Variants in FDFT1 observed in about 807,000 individuals in gnomAD.
FDFT1 encodes the protein farnesyl-diphosphate farnesyltransferase 1.
In FDFT1, 68 loss-of-function variants were observed where a neutral mutation model predicts 46.8. That is an observed-to-expected ratio of 1.45 (90% CI 1.19 to 1.78). The LOEUF (loss-of-function observed/expected upper bound fraction) is 1.78, where lower values mean the gene tolerates loss of function less well. Ranked by LOEUF, FDFT1 falls within the 40% of genes most tolerant of loss-of-function variation. The probability of loss-of-function intolerance (pLI) is 0.00; values close to 1 mark genes in which losing one functional copy is unlikely to be tolerated. For synonymous variants in FDFT1, 351 were observed against 185.1 expected (o/e 1.90, Z -7.28); for missense variants, 928 against 524.4 (o/e 1.77, Z -7.52).
At chr8:11,834,129 C>T (rs995812616) in intron 7 of FDFT1, among the ~76,000 whole-genome samples, 3 of 152,194 alleles carry the variant, frequency 2.0e-5, no homozygotes, top group Non-Finnish European at 4.4e-5. Flanking sequence ...TGACTCTGTC[C>T]GATCTCTGGA....
intron 2 of FDFT1, 190 bp downstream of exon 2, chr8:11,809,081 C>T (rs1020243632): frequency 7.9e-7 from 1 of 1,270,010 alleles, no homozygotes. Context: ...TAGTAGAGTC[C>T]CTGCGGGCCC....
intron 3 of FDFT1, among the ~76,000 whole-genome samples, chr8:11,817,739 T>A (rs7002768): frequency 0.52 from 78,694 of 151,786 alleles, 22,443 homozygotes; most frequent in East Asian, 0.79. Flanking sequence ...TATTACGTCT[T>A]TTTGATTCTT....
upstream of FDFT1, chr8:11,802,604 C>G: frequency 3.3e-6 from 2 of 600,006 alleles, no homozygotes; most frequent in Non-Finnish European, 6.1e-6. Flanking sequence ...TGTGAGCGGC[C>G]CTGGCCAATC....
At chr8:11,802,728 C>T (rs189623731), upstream of FDFT1, 75 of 867,224 alleles carry the variant, frequency 8.6e-5, no homozygotes, top group African/African-American at 1.0e-3. Context: ...GCCCCCTGTC[C>T]GGCCAGCCCC....
At chr8:11,818,997 T>C (rs920301089) in intron 3 of FDFT1, among the ~76,000 whole-genome samples, 2 of 152,246 alleles carry the variant, frequency 1.3e-5, no homozygotes, top group African/African-American at 4.8e-5. Flanking sequence ...GTACCAGTTG[T>C]TCCTTTCCAT....
chr8:11,825,884 A>T, intron 4 of FDFT1, 140 bp from the exon 5 acceptor site: 1 of 464,172 alleles, frequency 2.2e-6, no homozygotes, highest in African/African-American at 2.0e-5. Flanking sequence ...AAATCCTGGT[A>T]TGTATATTTG....
Position 11,802,786 on chromosome 8 carries a change from A to G in FDFT1, c.-47A>G, listed in dbSNP as rs1294774382. 1.4e-6 allele frequency: 2 copies of G among 1,465,500 alleles called. No homozygotes were observed. Among genetic ancestry groups the G allele is most frequent in the African/African-American group, 2.8e-5 (2 of 71,712 alleles). 90.8% of individuals were successfully genotyped at this position (1,465,500 alleles called of 1,614,324 possible). On this transcript the variant is annotated 5_prime_UTR_variant, in exon 1 of 8. Coordinates refer to ENST00000220584, the MANE Select transcript of FDFT1 (RefSeq NM_004462.5). ...CCAGCCGGCCGGTGAGCGCCTGGGGACCGCAGAGGTGAGAGTCGCGCCCGG... is the reference window on the plus strand; with the variant it reads ...CCAGCCGGCCGGTGAGCGCCTGGGGGCCGCAGAGGTGAGAGTCGCGCCCGG...
chr8:11,802,271 C>A (rs1806202238), upstream of FDFT1: 2 of 382,484 alleles, frequency 5.2e-6, no homozygotes, highest in South Asian at 3.8e-5. Flanking sequence ...CTACAGAGAG[C>A]GGCTGCAGAG....
intron 5 of FDFT1, among the ~76,000 whole-genome samples, chr8:11,827,393 C>G (rs1028616422): frequency 2.0e-5 from 3 of 151,864 alleles, no homozygotes; most frequent in African/African-American, 2.4e-5. Context: ...TGGCATGCAC[C>G]TGTATTCCTA....
intron 7 of FDFT1, among the ~76,000 whole-genome samples, chr8:11,835,391 C>G (rs1290041847): frequency 6.6e-6 from 1 of 152,206 alleles, no homozygotes; most frequent in Admixed American, 6.5e-5. Flanking sequence ...GTGACTGCAG[C>G]TCTTCCAGTT....
Position 11,830,386 on chromosome 8 carries a change from A to C in FDFT1, c.845A>C (p.Asn282Thr), listed in dbSNP as rs1433078077. The change falls in exon 6 of 8, where the codon AAC (asparagine) becomes ACC (threonine). Residue 282 changes from asparagine to threonine, a missense_variant. Physicochemically the swap from Asn to Thr is moderately conservative, Grantham distance 65. Transcript: ENST00000220584. ...ATCACCTACCTTTCGAGACTCAGAA[A>C]CCAGAGTGTGTTTAACTTCTGTGCT... is the stretch of plus-strand genomic sequence containing the variant. ...DVITYLSRLR[N>T]QSVFNFCAIP... 1 of 1,613,790 alleles carries C rather than the reference A, an allele frequency of 6.2e-7. No homozygotes were observed. The highest frequency in any genetic ancestry group is 8.5e-7 in the Non-Finnish European group (1 of 1,179,820).
intron 7 of FDFT1, among the ~76,000 whole-genome samples, chr8:11,834,140 C>T (rs1811227522): frequency 6.6e-6 from 1 of 152,208 alleles, no homozygotes; most frequent in African/African-American, 2.4e-5. Context: ...GATCTCTGGA[C>T]TTAGTGTTGT....
Position 11,821,857 on chromosome 8 carries a change from C to T in FDFT1, c.489C>T (p.Thr163=), listed in dbSNP as rs146968242. The part of the protein sequence containing the change: ...GMAEFLDKHV[T]SEQEWDKYCH... ...CAGAGTTTTTGGATAAGCATGTGAC[C>T]TCTGAACAGGAGTGGGACAAGGTTA... Residue 163 remains threonine (T), a synonymous_variant, in exon 4 of 8, where the codon ACC becomes ACT. Coordinates refer to ENST00000220584, the MANE Select transcript of FDFT1 (RefSeq NM_004462.5). 1.1e-5 allele frequency: 18 copies of T among 1,613,276 alleles called. No homozygotes were observed. In the African/African-American group the frequency reaches 2.1e-4, roughly 19 times the overall value.
intron 1 of FDFT1, among the ~76,000 whole-genome samples, chr8:11,806,375 A>G (rs1806834690): frequency 1.3e-5 from 2 of 152,148 alleles, no homozygotes; most frequent in Non-Finnish European, 2.9e-5. Flanking sequence ...TATGCTTACT[A>G]GTTGTGTCTT....
intron 3 of FDFT1, among the ~76,000 whole-genome samples, chr8:11,810,681 G>T (rs920746727): frequency 1.3e-5 from 2 of 152,036 alleles, no homozygotes; most frequent in African/African-American, 4.8e-5. Flanking sequence ...CCTAGAATTC[G>T]CATGTCTTAT....
chr8:11,800,509 T>A (rs1467488297), upstream of FDFT1, among the ~76,000 whole-genome samples: 2 of 152,120 alleles, frequency 1.3e-5, no homozygotes, highest in East Asian at 3.9e-4. Context: ...TAGAAGTTTT[T>A]AAAAGAGGCA....
At position 11,821,836 on chromosome 8, in the gene FDFT1, G is replaced by A. The variant is rs900291770; in HGVS notation, c.468G>A (p.Glu156=). Residue 156 remains glutamate (E), a synonymous_variant, in exon 4 of 8, where the codon GAG becomes GAA. Coordinates refer to ENST00000220584, the MANE Select transcript of FDFT1 (RefSeq NM_004462.5). ...ICRRMGIGMA[E]FLDKHVTSEQ... is the part of the protein sequence containing the mutation. ...GGAGAATGGGCATTGGGATGGCAGAGTTTTTGGATAAGCATGTGACCTCTG... is the reference window on the plus strand; with the variant it reads ...GGAGAATGGGCATTGGGATGGCAGAATTTTTGGATAAGCATGTGACCTCTG... The A allele has an allele frequency of 2.5e-6, 4 of 1,613,710 alleles. No homozygotes were observed. The highest frequency in any genetic ancestry group is 3.4e-6 in the Non-Finnish European group (4 of 1,179,650).
At chr8:11,801,197 T>C (rs753259481), upstream of FDFT1, among the ~76,000 whole-genome samples, 7 of 152,044 alleles carry the variant, frequency 4.6e-5, no homozygotes, top group Non-Finnish European at 8.8e-5. Context: ...AGCAAAAGCA[T>C]AAGAGATGGA....
At chr8:11,829,704 G>A (rs1192470447) in intron 5 of FDFT1, among the ~76,000 whole-genome samples, 2 of 152,130 alleles carry the variant, frequency 1.3e-5, no homozygotes, top group Non-Finnish European at 2.9e-5. Flanking sequence ...TCCCCAATAC[G>A]TAACTCACTT....
Sources: gnomAD v4.1 joint callset for allele counts (sites outside exome capture counted in the v4.1 genomes callset) on GRCh38, gnomAD v4.1.1 for gene constraint, MANE v1.5 for transcripts, NCBI Gene and HGNC (gene_info 2026-07-23, HGNC 2026-07-21) for gene names.